USP31: variants seen among roughly 807,000 people sequenced by gnomAD.
The protein encoded by USP31 is ubiquitin carboxyl-terminal hydrolase 31.
A neutral mutation model predicts 119.4 loss-of-function variants in USP31; 44 were observed. The ratio of observed to expected loss-of-function variants is 0.37; its 90% CI spans 0.29 to 0.47. The LOEUF (loss-of-function observed/expected upper bound fraction) is 0.47. Among genes scored for constraint, USP31 ranks in the 20% least tolerant of loss-of-function variants. The probability of loss-of-function intolerance (pLI) is 0.99; values close to 1 mark genes in which losing one functional copy is unlikely to be tolerated. For missense variants in USP31, 1,643 were observed against 1,730.2 expected (o/e 0.95, Z 0.89); for synonymous variants, 749 against 705.6 (o/e 1.06, Z -0.97).
rs559713086 is a variant in USP31, at chr16:23,101,272, AAGG to A, written c.1234+1044_1234+1046del. Among the ~76,000 whole-genome samples the A allele has an allele frequency of 5.5e-3, 830 of 152,284 alleles. 3 individuals are homozygous for A. The highest frequency in any genetic ancestry group is 0.01 in the Middle Eastern group (3 of 294). On this transcript the variant is annotated intron_variant, in intron 6 of 15. Transcript: ENST00000219689. ...TGTCAACAGCTCTATGAGAATTTTG[AAGG>A]AGAAGTTATCAAGCTTGGATCCAGT...
chr16:23,071,911 A>G, intron 15 of USP31, 134 bp downstream of exon 15: 1 of 1,217,216 alleles, frequency 8.2e-7, no homozygotes, highest in Non-Finnish European at 1.1e-6. Context: ...ACAGCTACAC[A>G]GCTCCACTCC....
At chr16:23,082,897 C>T (rs965487357) in intron 11 of USP31, among the ~76,000 whole-genome samples, 10 of 131,250 alleles carry the variant, frequency 7.6e-5, no homozygotes, top group African/African-American at 2.9e-4. Context: ...GTGGTGTGAT[C>T]TCGGCTCACT....
At chr16:23,125,734 T>A (rs1030110043) in intron 1 of USP31, among the ~76,000 whole-genome samples, 6 of 152,192 alleles carry the variant, frequency 3.9e-5, no homozygotes, top group Admixed American at 3.9e-4. Flanking sequence ...ATAAAGGAAC[T>A]CTTATTTTTA....
chr16:23,127,830 C>G (rs944466861), intron 1 of USP31, among the ~76,000 whole-genome samples: 2 of 152,100 alleles, frequency 1.3e-5, no homozygotes, highest in Non-Finnish European at 2.9e-5. Flanking sequence ...ACATAGAGAA[C>G]TATTCCAAGT....
rs770711366 is a variant in USP31 at position 23,068,261 on chromosome 16, G to A, written c.3844C>T (p.Gln1282Ter). Residue 1282 changes from glutamine (Q) to a stop codon, truncating the protein, a stop_gained, in exon 16 of 16, where the codon CAG becomes TAG. Coordinates refer to ENST00000219689, the MANE Select transcript of USP31 (RefSeq NM_020718.4). LOFTEE classifies it high-confidence loss of function. The stretch of plus-strand genomic sequence containing the variant: ...TTTCCCGTTGTATTTGCATTTGGCT[G>A]CTGGGAAGCTGGAGGCTGGTGGCCT... ...ERGHQPPASQQPNANTTGKEQ... is the reference protein window; with the variant it reads ...ERGHQPPASQ 1 of 1,614,158 alleles carries A rather than the reference G, an allele frequency of 6.2e-7. No individual in the cohort carries two copies. Among genetic ancestry groups the A allele is most frequent in the Non-Finnish European group, 8.5e-7 (1 of 1,179,986 alleles).
chr16:23,139,516 C>A (rs961714646), intron 1 of USP31, among the ~76,000 whole-genome samples: 1 of 152,244 alleles, frequency 6.6e-6, no homozygotes. Flanking sequence ...TGTCATGACT[C>A]TGCCTTCCTG....
At position 23,062,885 on chromosome 16, in the gene USP31, A is replaced by T. The variant is rs1207951620; in HGVS notation, c.*5161T>A. ...TTCTGCTTCTCCTACACAACTGAGGAATCAGTCACTCCTGAGTAATTCAAA... is the reference window on the plus strand; with the variant it reads ...TTCTGCTTCTCCTACACAACTGAGGTATCAGTCACTCCTGAGTAATTCAAA... On this transcript the variant is annotated 3_prime_UTR_variant, in exon 16 of 16. Coordinates refer to ENST00000219689, the MANE Select transcript of USP31 (RefSeq NM_020718.4). 11 of 152,556 alleles carry T rather than the reference A, an allele frequency of 7.2e-5. No homozygotes were observed. Among genetic ancestry groups the T allele is most frequent in the Non-Finnish European group, 1.5e-4 (10 of 68,044 alleles). 9.5% of individuals were successfully genotyped at this position (152,556 alleles called of 1,614,324 possible).
At chr16:23,073,337 T>C (rs1424826775) in intron 14 of USP31, among the ~76,000 whole-genome samples, 1 of 152,174 alleles carries the variant, frequency 6.6e-6, no homozygotes, top group African/African-American at 2.4e-5. Context: ...CCCCATGAGG[T>C]AGGCATTATT....
At chr16:23,146,626 C>G (rs1239828583) in intron 1 of USP31, among the ~76,000 whole-genome samples, 2 of 152,042 alleles carry the variant, frequency 1.3e-5, no homozygotes, top group East Asian at 3.9e-4. Context: ...TTGCCAAGAT[C>G]AAACAGCAAC....
intron 6 of USP31, among the ~76,000 whole-genome samples, chr16:23,098,149 A>T (rs569730851): frequency 6.6e-5 from 10 of 152,342 alleles, no homozygotes; most frequent in African/African-American, 2.4e-4. Flanking sequence ...ATCAATGTGC[A>T]AAAATCACAA....
In USP31 at chr16:23,073,724, G is replaced by C; in HGVS notation, c.2333C>G (p.Ala778Gly). 4 of 1,611,320 alleles carry C rather than the reference G, an allele frequency of 2.5e-6. No individual in the cohort carries two copies. The highest frequency in any genetic ancestry group is 3.4e-6 in the Non-Finnish European group (4 of 1,178,864). Residue 778 changes from alanine to glycine, a missense_variant and splice_region_variant, in exon 14 of 16, where the codon GCA becomes GGA. Transcript: ENST00000219689. ...IPSWSANSSV[A>G]GSTSSSLCEH... is the part of the protein sequence containing the mutation. ...CCAAGAACAAGAGTGGACCTCACCT[G>C]CCACCGAGCTGTTGGCTGACCATGA...
chr16:23,102,291 G>A (rs763094155), intron 6 of USP31, 28 bp downstream of exon 6: 1 of 1,599,420 alleles, frequency 6.3e-7, no homozygotes, highest in South Asian at 1.1e-5. Context: ...AAACCCAGGT[G>A]GCATTATGGA....
chr16:23,075,742 T>C (rs911691725), intron 13 of USP31, among the ~76,000 whole-genome samples: 2 of 152,182 alleles, frequency 1.3e-5, no homozygotes, highest in African/African-American at 4.8e-5. Flanking sequence ...GATTATATCA[T>C]TATACCATCG....
At chr16:23,131,995 G>A (rs1903044260) in intron 1 of USP31, among the ~76,000 whole-genome samples, 1 of 152,152 alleles carries the variant, frequency 6.6e-6, no homozygotes, top group Admixed American at 6.6e-5. Flanking sequence ...TTTATTTGTG[G>A]ACACACTGTT....
chr16:23,101,764 T>C (rs1220162529), intron 6 of USP31, among the ~76,000 whole-genome samples: 1 of 151,998 alleles, frequency 6.6e-6, no homozygotes, highest in Admixed American at 6.6e-5. Flanking sequence ...AAAATCAGAA[T>C]AACCCTGTAA....
Position 23,073,763 on chromosome 16 carries a change from C to A in USP31, c.2294G>T (p.Arg765Leu), listed in dbSNP as rs568720864. The A allele has an allele frequency of 6.2e-7, 1 of 1,613,264 alleles. No homozygotes were observed. The highest frequency in any genetic ancestry group is 1.7e-5 in the Admixed American group (1 of 60,006). Residue 765 changes from arginine to leucine, a missense_variant, in exon 14 of 16, where the codon CGG (arginine) becomes CTG (leucine). Around this residue, in one of 5 missense-constraint regions of USP31, gnomAD observed 279 missense variants for 372.2 expected, o/e 0.75. Coordinates refer to ENST00000219689, the MANE Select transcript of USP31 (RefSeq NM_020718.4). ...GGCTGACCATGACGGGATGGCTGTCCGCCTCTGGTAGAAGAGGATGTATGC... is the reference window on the plus strand; with the variant it reads ...GGCTGACCATGACGGGATGGCTGTCAGCCTCTGGTAGAAGAGGATGTATGC... ...QTAYILFYQR[R>L]TAIPSWSANS...
chr16:23,134,215 CAAT>C (rs770786694), intron 1 of USP31, among the ~76,000 whole-genome samples: 3 of 152,032 alleles, frequency 2.0e-5, no homozygotes, highest in African/African-American at 4.8e-5. Context: ...GAATAAGCAA[CAAT>C]AACACTAAAC....
chr16:23,124,919 A>G (rs192419758), intron 1 of USP31, among the ~76,000 whole-genome samples: 28 of 152,274 alleles, frequency 1.8e-4, no homozygotes, highest in African/African-American at 6.5e-4. Context: ...AAAACCCTAG[A>G]GTATCTACGC....
chr16:23,076,480 T>G (rs1248257694), intron 13 of USP31, among the ~76,000 whole-genome samples: 1 of 152,146 alleles, frequency 6.6e-6, no homozygotes, highest in Non-Finnish European at 1.5e-5. Context: ...ATGGGTTCCT[T>G]GAGGTCAGCA....
Sources: allele counts gnomAD v4.1 joint callset (sites outside exome capture counted in the v4.1 genomes callset), GRCh38; gene constraint gnomAD v4.1.1; regional missense constraint gnomAD v4.1.1; transcripts MANE v1.5; gene names NCBI Gene and HGNC (gene_info 2026-07-23, HGNC 2026-07-21).